Variants in EYS observed in about 807,000 individuals in gnomAD.
EYS encodes the protein EGF-like photoreceptor maintenance factor.
A neutral mutation model predicts 282.1 loss-of-function variants in EYS; 250 were observed. The ratio of observed to expected loss-of-function variants is 0.89; its 90% CI spans 0.80 to 0.98. The LOEUF is 0.98. Ranked by LOEUF, EYS falls within the 50% of genes least tolerant of loss-of-function variation. The probability of loss-of-function intolerance (pLI) is 0.00; values close to 1 mark genes in which losing one functional copy is unlikely to be tolerated. For synonymous variants in EYS, 1,355 were observed against 1,282.9 expected (o/e 1.06, Z -1.20); for missense variants, 4,016 against 3,709.0 (o/e 1.08, Z -2.15).
At chr6:65,179,184 T>C (rs867336139) in intron 12 of EYS, among the ~76,000 whole-genome samples, 4 of 151,552 alleles carry the variant, frequency 2.6e-5, no homozygotes, top group Non-Finnish European at 2.9e-5. Flanking sequence ...CTTCAAAAGC[T>C]AGCAGAAGGC....
intron 19 of EYS, among the ~76,000 whole-genome samples, chr6:64,823,311 G>C (rs1764953720): frequency 6.6e-6 from 1 of 151,722 alleles, no homozygotes; most frequent in African/African-American, 2.4e-5. Context: ...AGGCCAAGTA[G>C]CGAATATTTT....
intron 37 of EYS, chr6:63,798,023 A>G (rs953813606): frequency 2.6e-5 from 4 of 152,180 alleles, no homozygotes; most frequent in Non-Finnish European, 5.9e-5. Flanking sequence ...GGATGTAAGC[A>G]CCAGTTTGTG....
intron 12 of EYS, among the ~76,000 whole-genome samples, chr6:65,255,458 A>T (rs183404011): frequency 3.9e-4 from 60 of 152,158 alleles, no homozygotes; most frequent in African/African-American, 1.4e-3. Flanking sequence ...CTGGGCAAAG[A>T]TTTATTGAGT....
At chr6:65,631,980 A>T (rs368138229) in intron 2 of EYS, among the ~76,000 whole-genome samples, 4 of 152,140 alleles carry the variant, frequency 2.6e-5, no homozygotes. Flanking sequence ...AACTTCTCCT[A>T]CTTTATATAT....
chr6:65,094,317 G>GAAAAAAA (rs35028634), intron 12 of EYS, among the ~76,000 whole-genome samples: 23 of 73,782 alleles, frequency 3.1e-4, no homozygotes, highest in South Asian at 1.4e-3. Flanking sequence ...ATATCTTAAC[G>GAAAAAAA]AAAAAAAAAA....
At chr6:64,654,313 A>G (rs1338156293) in intron 22 of EYS, among the ~76,000 whole-genome samples, 1 of 152,230 alleles carries the variant, frequency 6.6e-6, no homozygotes, top group Non-Finnish European at 1.5e-5. Flanking sequence ...GCTAGTGTTG[A>G]TCTGATCATT....
chr6:64,944,633 A>G (rs936884465), intron 15 of EYS, among the ~76,000 whole-genome samples: 1 of 152,058 alleles, frequency 6.6e-6, no homozygotes, highest in Non-Finnish European at 1.5e-5. Context: ...CCCCAGCCCA[A>G]CACCCTTAAA....
At chr6:65,239,949 G>C (rs1767015604) in intron 12 of EYS, among the ~76,000 whole-genome samples, 1 of 150,528 alleles carries the variant, frequency 6.6e-6, no homozygotes, top group Non-Finnish European at 1.5e-5. Flanking sequence ...AAAAATCCAT[G>C]TATTTGTAGC....
In EYS at chr6:64,590,699, A is replaced by T; in HGVS notation, c.5168T>A (p.Leu1723Ter). 6.4e-7 allele frequency: 1 copy of T among 1,551,172 alleles called. No homozygotes were observed. Among genetic ancestry groups the T allele is most frequent in the Non-Finnish European group, 8.7e-7 (1 of 1,146,618 alleles). ...AGATCCTTTACTTTTTTCCATGTCC[A>T]ATAAGCTCTCTTGATTTAGTACCTC... ...PTEVLNQESL[L>*]DMEKSKGSHT... Residue 1723 changes from leucine (L) to a stop codon, truncating the protein, a stop_gained, in exon 26 of 43, where the codon TTG becomes TAG. Coordinates refer to ENST00000503581, the MANE Select transcript of EYS (RefSeq NM_001142800.2). LOFTEE classifies it high-confidence loss of function.
chr6:65,231,633 T>C (rs1178627368), intron 12 of EYS, among the ~76,000 whole-genome samples: 3 of 152,020 alleles, frequency 2.0e-5, no homozygotes, highest in South Asian at 2.1e-4. Context: ...GAGAAAGTTA[T>C]AGGTACAGGC....
intron 18 of EYS, among the ~76,000 whole-genome samples, chr6:64,894,147 G>C (rs1767378566): frequency 1.3e-5 from 2 of 152,138 alleles, no homozygotes; most frequent in South Asian, 4.1e-4. Context: ...GTAATGTATA[G>C]ATGCTTATGA....
chr6:65,683,573 T>C (rs1768905489), intron 1 of EYS, among the ~76,000 whole-genome samples: 1 of 152,050 alleles, frequency 6.6e-6, no homozygotes, highest in Admixed American at 6.6e-5. Context: ...TTTTTCTCCA[T>C]GGTAAAACAG....
chr6:64,702,281 C>A (rs1002634296), intron 22 of EYS, among the ~76,000 whole-genome samples: 1 of 151,988 alleles, frequency 6.6e-6, no homozygotes, highest in African/African-American at 2.4e-5. Context: ...ACAGAGCCTA[C>A]CAGTATCAAT....
At chr6:64,230,553 T>G (rs1305791741) in intron 31 of EYS, 39 bp downstream of exon 31, 3 of 1,470,734 alleles carry the variant, frequency 2.0e-6, no homozygotes, top group African/African-American at 2.8e-5. Flanking sequence ...TGGAGAGGTT[T>G]TTAAAAAGAA....
At chr6:64,634,559 A>G (rs867240212) in intron 22 of EYS, among the ~76,000 whole-genome samples, 1 of 151,694 alleles carries the variant, frequency 6.6e-6, no homozygotes, top group Non-Finnish European at 1.5e-5. Context: ...AAAAAAAAAA[A>G]AAAGAGCCCT....
chr6:65,606,908 T>C (rs1300292400), intron 2 of EYS, among the ~76,000 whole-genome samples: 1 of 151,706 alleles, frequency 6.6e-6, no homozygotes, highest in African/African-American at 2.4e-5. Context: ...ATTTTGAATT[T>C]ACTAGTTATT....
chr6:65,624,783 C>T (rs577126373), intron 2 of EYS, among the ~76,000 whole-genome samples: 6 of 152,300 alleles, frequency 3.9e-5, no homozygotes, highest in South Asian at 2.1e-4. Context: ...TTTGGACTTA[C>T]ACTACTGTAT....
chr6:65,413,156 T>C (rs998670554), intron 5 of EYS, among the ~76,000 whole-genome samples: 3 of 152,178 alleles, frequency 2.0e-5, no homozygotes, highest in East Asian at 1.9e-4. Context: ...TGATCATATA[T>C]GCCTAGACCC....
chr6:64,282,990 A>C (rs1768364147), intron 30 of EYS, among the ~76,000 whole-genome samples: 1 of 152,172 alleles, frequency 6.6e-6, no homozygotes, highest in African/African-American at 2.4e-5. Context: ...TCTGTTTCCC[A>C]GTCATACTGA....
Sources: gnomAD v4.1 joint callset for allele counts (sites outside exome capture counted in the v4.1 genomes callset) on GRCh38, gnomAD v4.1.1 for gene constraint, MANE v1.5 for transcripts, NCBI Gene and HGNC (gene_info 2026-07-23, HGNC 2026-07-21) for gene names.